CA10: variants seen among roughly 807,000 people sequenced by gnomAD.
The protein encoded by CA10 is carbonic anhydrase 10 (inactive), also known as carbonic anhydrase-related protein 10.
CA10 carries 14 observed loss-of-function variants against 44.2 expected under a neutral mutation model. The ratio of observed to expected loss-of-function variants is 0.32; its 90% confidence interval spans 0.21 to 0.50. The LOEUF is 0.50. Among genes scored for constraint, CA10 ranks in the 20% least tolerant of loss-of-function variants. The pLI, the probability that CA10 is intolerant of heterozygous loss-of-function variation, is 0.99. For synonymous variants in CA10, 159 were observed against 141.6 expected, an observed-to-expected ratio of 1.12 and a Z score of -0.87; for missense variants, 350 against 409.7, an observed-to-expected ratio of 0.85 and a Z score of 1.26.
chr17:51,843,568 T>C (rs1978369062), intron 3 of CA10, among the ~76,000 whole-genome samples: 1 of 152,194 alleles, frequency 6.6e-6, no homozygotes, highest in Non-Finnish European at 1.5e-5. Flanking sequence ...TTCTCTTGGT[T>C]ATCTGAAATG....
intron 4 of CA10, among the ~76,000 whole-genome samples, chr17:51,694,495 GTT>G (rs548169573): frequency 7.6e-4 from 97 of 127,462 alleles, no homozygotes; most frequent in African/African-American, 2.1e-3. Flanking sequence ...TTTTAATGGG[GTT>G]TTTTTTTTTT....
At chr17:51,915,480 C>T (rs2143959466) in intron 3 of CA10, among the ~76,000 whole-genome samples, 1 of 152,260 alleles carries the variant, frequency 6.6e-6, no homozygotes, top group African/African-American at 2.4e-5. Context: ...TTCAGCTTTC[C>T]CATGTCTTCA....
At chr17:52,056,656 C>T (rs1987238138) in intron 2 of CA10, among the ~76,000 whole-genome samples, 1 of 151,846 alleles carries the variant, frequency 6.6e-6, no homozygotes, top group South Asian at 2.1e-4. Context: ...GAGTTATAGT[C>T]TTCCTGTCTT....
At chr17:51,797,798 C>T (rs1240210420) in intron 3 of CA10, among the ~76,000 whole-genome samples, 3 of 126,250 alleles carry the variant, frequency 2.4e-5, no homozygotes, top group South Asian at 2.6e-4. Context: ...TTGCAGTGAG[C>T]GGAGATTGCG....
intron 1 of CA10, among the ~76,000 whole-genome samples, chr17:52,077,540 GATCTGT>G (rs747170091): frequency 1.2e-4 from 18 of 151,380 alleles, no homozygotes; most frequent in Admixed American, 8.6e-4. Flanking sequence ...AGCTGGATTT[GATCTGT>G]AGGCCATAGT....
Position 51,871,050 on chromosome 17 carries a change from C to CTT in CA10, c.279+59938_279+59939dup, listed in dbSNP as rs56319440. ...CCTTCTTTACTTTCTTCCCACTTTA[C>CTT]TTTTTTTTTTTTTTTTTTTTTTTTT... is the stretch of plus-strand genomic sequence containing the variant. On this transcript the variant is annotated intron_variant, in intron 3 of 8. Coordinates refer to ENST00000451037, the MANE Select transcript of CA10 (RefSeq NM_020178.5). 2.2e-3 allele frequency among the ~76,000 whole-genome samples: 208 copies of CTT among 94,834 alleles called. 22 individuals carry two copies. Among genetic ancestry groups the CTT allele is most frequent in the African/African-American group, 4.8e-3 (132 of 27,648 alleles). The allele number at this position is 94,834 out of a possible 152,430, so 62.2% of individuals were successfully genotyped here. A position where few individuals can be genotyped will look rare whatever the true frequency, so the allele number is the denominator to read the frequency against.
chr17:51,891,100 G>A (rs1370551436), intron 3 of CA10, among the ~76,000 whole-genome samples: 1 of 152,122 alleles, frequency 6.6e-6, no homozygotes, highest in Admixed American at 6.6e-5. Flanking sequence ...GATTATCAGT[G>A]GTATTTAAAA....
At chr17:52,025,673 C>T (rs1192380908) in intron 2 of CA10, among the ~76,000 whole-genome samples, 3 of 152,074 alleles carry the variant, frequency 2.0e-5, no homozygotes, top group Admixed American at 6.6e-5. Context: ...ACTGCCATTT[C>T]TATTCATGAA....
At chr17:52,089,233 G>C (rs993243882) in intron 1 of CA10, among the ~76,000 whole-genome samples, 2 of 152,148 alleles carry the variant, frequency 1.3e-5, no homozygotes, top group Non-Finnish European at 2.9e-5. Flanking sequence ...CTGAGTTTTT[G>C]TGTCACTATG....
At chr17:51,730,927 G>A (rs1264230848) in intron 4 of CA10, among the ~76,000 whole-genome samples, 1 of 151,724 alleles carries the variant, frequency 6.6e-6, no homozygotes, top group Non-Finnish European at 1.5e-5. Flanking sequence ...AAGTGCTTGG[G>A]TTGTTTTAGT....
chr17:51,860,923 A>G (rs557687030), intron 3 of CA10, among the ~76,000 whole-genome samples: 6 of 152,304 alleles, frequency 3.9e-5, no homozygotes, highest in Admixed American at 2.6e-4. Flanking sequence ...CCTACTCCCC[A>G]CAACCTGTGG....
chr17:52,027,912 T>G (rs970682824), intron 2 of CA10, among the ~76,000 whole-genome samples: 1 of 152,180 alleles, frequency 6.6e-6, no homozygotes, highest in Non-Finnish European at 1.5e-5. Context: ...TCCCTTCCCT[T>G]GAACCCTTGT....
At chr17:51,901,673 C>T (rs73987304) in intron 3 of CA10, among the ~76,000 whole-genome samples, 15,804 of 152,076 alleles carry the variant, frequency 0.1, 1,075 homozygotes, top group African/African-American at 0.2. Flanking sequence ...GATTGCGCCA[C>T]TGCACTCTAG....
At chr17:51,813,110 G>A (rs1054321077) in intron 3 of CA10, among the ~76,000 whole-genome samples, 16 of 152,186 alleles carry the variant, frequency 1.1e-4, no homozygotes, top group Middle Eastern at 3.2e-3. Context: ...AGAAAAGAGG[G>A]TCATAGATAA....
intron 4 of CA10, among the ~76,000 whole-genome samples, chr17:51,668,870 C>G (rs780272078): frequency 3.9e-5 from 6 of 152,214 alleles, no homozygotes; most frequent in Admixed American, 3.3e-4. Context: ...TTGGAGCGGC[C>G]GGCCGGCATC....
intron 3 of CA10, among the ~76,000 whole-genome samples, chr17:51,900,214 G>C (rs1268993192): frequency 6.6e-6 from 1 of 152,090 alleles, no homozygotes; most frequent in Admixed American, 6.5e-5. Flanking sequence ...CTCTTATAAG[G>C]CAGGTCTGGA....
At chr17:51,649,775 C>T (rs965616430) in intron 5 of CA10, among the ~76,000 whole-genome samples, 2 of 151,362 alleles carry the variant, frequency 1.3e-5, no homozygotes, top group Non-Finnish European at 2.9e-5. Flanking sequence ...CAGATCATGT[C>T]AGGCTTTTAA....
At chr17:51,982,447 C>G (rs901583421) in intron 2 of CA10, among the ~76,000 whole-genome samples, 1 of 151,798 alleles carries the variant, frequency 6.6e-6, no homozygotes, top group Non-Finnish European at 1.5e-5. Context: ...TTAAAGGTGT[C>G]CAGGGAGGGA....
chr17:52,130,555 C>T (rs1333682881), intron 1 of CA10, among the ~76,000 whole-genome samples: 1 of 152,106 alleles, frequency 6.6e-6, no homozygotes, highest in African/African-American at 2.4e-5. Context: ...CAGAAAAAGA[C>T]AAATATCGCA....
Sources: gnomAD v4.1 joint callset for allele counts (sites outside exome capture counted in the v4.1 genomes callset) on GRCh38, gnomAD v4.1.1 for gene constraint, MANE v1.5 for transcripts, NCBI Gene and HGNC (gene_info 2026-07-23, HGNC 2026-07-21) for gene names.